The following CTNNA3 variants were observed in gnomAD, a reference collection of about 807,000 sequenced individuals.
CTNNA3 encodes the protein catenin alpha-3.
Under a neutral mutation model 95.7 loss-of-function variants are expected in CTNNA3, and 76 were observed. The observed-to-expected ratio is 0.79, with a 90% CI of 0.66 to 0.96. The LOEUF (loss-of-function observed/expected upper bound fraction) is 0.96. Among genes scored for constraint, CTNNA3 ranks in the 40% least tolerant of loss-of-function variants. The pLI is 0.00. For synonymous variants in CTNNA3, 431 were observed against 374.4 expected (o/e 1.15, Z -1.74); for missense variants, 1,191 against 1,089.8 (o/e 1.09, Z -1.31).
chr10:67,282,261 A>T (rs1417035538), intron 5 of CTNNA3, among the ~76,000 whole-genome samples: 1 of 152,192 alleles, frequency 6.6e-6, no homozygotes, highest in Non-Finnish European at 1.5e-5. Flanking sequence ...AGACACTGCT[A>T]GTCTTGAACA....
rs140295588 is a variant in CTNNA3 at position 66,357,847 on chromosome 10, C to T, written c.1732+21305G>A. Among the ~76,000 whole-genome samples, 166 of 152,160 alleles carry T rather than the reference C, an allele frequency of 1.1e-3. 3 individuals are homozygous for T. In the East Asian group the frequency reaches 0.025, roughly 23 times the overall value. On this transcript the variant is annotated intron_variant, in intron 12 of 17. Transcript: ENST00000433211. Reference sequence around the variant, plus strand: ...TTGCTGTGTCAGATAGTAACACATACGTATATTGTTTAAAAACAGTCTGAC... The same window carrying T: ...TTGCTGTGTCAGATAGTAACACATATGTATATTGTTTAAAAACAGTCTGAC...
chr10:67,008,563 C>G (rs1852141183), intron 7 of CTNNA3, among the ~76,000 whole-genome samples: 1 of 152,096 alleles, frequency 6.6e-6, no homozygotes, highest in Non-Finnish European at 1.5e-5. Context: ...CAAGGCAATT[C>G]TCATCGGGGC....
chr10:66,276,158 T>A (rs887203147), intron 13 of CTNNA3, among the ~76,000 whole-genome samples: 1 of 152,126 alleles, frequency 6.6e-6, no homozygotes, highest in African/African-American at 2.4e-5. Flanking sequence ...TTCCCTGATA[T>A]ATAGAGTTAG....
chr10:66,901,675 G>A (rs1392338754), intron 7 of CTNNA3, among the ~76,000 whole-genome samples: 7 of 152,184 alleles, frequency 4.6e-5, no homozygotes, highest in Non-Finnish European at 8.8e-5. Context: ...TAAAGGGATG[G>A]AGGAAGATCT....
In CTNNA3 at chr10:66,836,929, G is replaced by T. The variant is rs78941519; in HGVS notation, c.1048-61405C>A. On this transcript the variant is annotated intron_variant, in intron 7 of 17. Coordinates refer to ENST00000433211, the MANE Select transcript of CTNNA3 (RefSeq NM_013266.4). Reference sequence around the variant, plus strand: ...AATGCAATTAATGCTGCCACAACTGGCCAATCATCCAGTCTTGTCAGAAAT... The same window carrying T: ...AATGCAATTAATGCTGCCACAACTGTCCAATCATCCAGTCTTGTCAGAAAT... Among the ~76,000 whole-genome samples, 441 of 151,968 alleles carry T rather than the reference G, an allele frequency of 2.9e-3. 16 individuals carry two copies. The East Asian group carries it at 0.064, about 22-fold the overall frequency.
At chr10:66,299,326 T>C (rs1227897342) in intron 12 of CTNNA3, among the ~76,000 whole-genome samples, 1 of 152,166 alleles carries the variant, frequency 6.6e-6, no homozygotes, top group East Asian at 1.9e-4. Flanking sequence ...ATTTTCTGAG[T>C]TCACAAACCT....
chr10:67,509,236 C>A (rs953571031), intron 5 of CTNNA3, among the ~76,000 whole-genome samples: 2 of 150,984 alleles, frequency 1.3e-5, no homozygotes, highest in African/African-American at 4.9e-5. Context: ...TACATGTGCA[C>A]AATGTGCAGG....
chr10:67,344,568 A>C (rs1176426394), intron 5 of CTNNA3, among the ~76,000 whole-genome samples: 1 of 151,876 alleles, frequency 6.6e-6, no homozygotes, highest in African/African-American at 2.4e-5. Context: ...TCATGGTTCA[A>C]TCTTGATAGG....
At chr10:66,638,855 T>G (rs1378501291) in intron 9 of CTNNA3, among the ~76,000 whole-genome samples, 2 of 152,158 alleles carry the variant, frequency 1.3e-5, no homozygotes, top group African/African-American at 4.8e-5. Context: ...TATCCCATCT[T>G]GTAGAATACA....
chr10:65,967,165 C>T (rs961034889), intron 16 of CTNNA3, among the ~76,000 whole-genome samples: 19 of 151,584 alleles, frequency 1.3e-4, no homozygotes, highest in Admixed American at 5.3e-4. Context: ...ACCGTGTTAT[C>T]TAGGATGGTC....
At chr10:67,603,573 C>G (rs1039696565) in intron 3 of CTNNA3, among the ~76,000 whole-genome samples, 2 of 149,766 alleles carry the variant, frequency 1.3e-5, no homozygotes, top group South Asian at 4.2e-4. Flanking sequence ...GTATTTGTGT[C>G]TTAGATTTTA....
intron 5 of CTNNA3, among the ~76,000 whole-genome samples, chr10:67,251,312 G>T (rs776476474): frequency 4.6e-5 from 7 of 152,132 alleles, no homozygotes; most frequent in Non-Finnish European, 8.8e-5. Context: ...GCAGATTAGT[G>T]GTTATCTGGG....
intron 10 of CTNNA3, among the ~76,000 whole-genome samples, chr10:66,522,423 TG>T (rs1436658871): frequency 1.3e-5 from 2 of 152,138 alleles, no homozygotes; most frequent in Non-Finnish European, 2.9e-5. Context: ...AGGGACCTGG[TG>T]GGAGGTACTT....
chr10:66,941,880 T>C (rs1029623673), intron 7 of CTNNA3, among the ~76,000 whole-genome samples: 2 of 152,188 alleles, frequency 1.3e-5, no homozygotes, highest in Non-Finnish European at 2.9e-5. Context: ...AAAAAACCAC[T>C]TTAAGATAGA....
intron 6 of CTNNA3, among the ~76,000 whole-genome samples, chr10:67,191,785 T>G (rs953811440): frequency 6.6e-6 from 1 of 151,932 alleles, no homozygotes; most frequent in Admixed American, 6.6e-5. Flanking sequence ...AGACCACAAA[T>G]AGCCAAAGCA....
chr10:66,259,802 T>A (rs549057248), intron 13 of CTNNA3, among the ~76,000 whole-genome samples: 1 of 152,284 alleles, frequency 6.6e-6, no homozygotes, highest in South Asian at 2.1e-4. Context: ...TTATCAGAAT[T>A]GTGGGAAAAT....
intron 7 of CTNNA3, among the ~76,000 whole-genome samples, chr10:67,155,278 A>G (rs1861259068): frequency 6.6e-6 from 1 of 152,212 alleles, no homozygotes; most frequent in Non-Finnish European, 1.5e-5. Flanking sequence ...CAGAAGCTCT[A>G]GAGTCAGGCT....
intron 7 of CTNNA3, among the ~76,000 whole-genome samples, chr10:66,783,956 G>A (rs547767827): frequency 2.6e-5 from 4 of 152,004 alleles, no homozygotes; most frequent in South Asian, 4.2e-4. Flanking sequence ...GTTTTATGGC[G>A]TTTGAATAAT....
chr10:66,846,467 CCA>C (rs34923400), intron 7 of CTNNA3, among the ~76,000 whole-genome samples: 98,222 of 147,544 alleles, frequency 0.67, 34,463 homozygotes, highest in South Asian at 0.82. Flanking sequence ...AATGTTCTCA[CCA>C]CACACACACA....
Sources: gnomAD v4.1 joint callset for allele counts (sites outside exome capture counted in the v4.1 genomes callset) on GRCh38, gnomAD v4.1.1 for gene constraint, MANE v1.5 for transcripts, NCBI Gene and HGNC (gene_info 2026-07-23, HGNC 2026-07-21) for gene names.